ARL14EPL: variants seen among roughly 807,000 people sequenced by gnomAD.
ARL14EPL encodes the protein ARL14 effector protein-like.
A neutral mutation model predicts 15.9 loss-of-function variants in ARL14EPL; 17 were observed. The observed-to-expected ratio is 1.07, with a 90% CI of 0.73 to 1.60. The LOEUF is 1.60. Ranked by LOEUF, ARL14EPL falls within the 40% of genes most tolerant of loss-of-function variation. The pLI is 0.00. For missense variants in ARL14EPL, 214 were observed against 185.9 expected (o/e 1.15, Z -0.88); for synonymous variants, 78 against 63.8 (o/e 1.22, Z -1.06).
intron 1 of ARL14EPL, among the ~76,000 whole-genome samples, chr5:116,048,014 C>T (rs562827833): frequency 6.6e-6 from 1 of 152,190 alleles, no homozygotes; most frequent in Admixed American, 6.5e-5. Context: ...CACTACCCAA[C>T]GTGCTTAATG....
At chr5:116,036,517 C>T (rs1361872944) in intron 1 of ARL14EPL, among the ~76,000 whole-genome samples, 4 of 152,180 alleles carry the variant, frequency 2.6e-5, no homozygotes, top group Non-Finnish European at 4.4e-5. Flanking sequence ...ATCTACTTTG[C>T]AAACATTATT....
Position 116,051,456 on chromosome 5 carries a change from GT to G in ARL14EPL, c.-9del. On this transcript the variant is annotated splice_region_variant and 5_prime_UTR_variant, in exon 2 of 4. Transcript: ENST00000686077. ...TTTACTTTTTCCAATTACTTTTTAA[GT>G]GATCAGAGATGAATGAACAATCAGA... The G allele has an allele frequency of 6.6e-7, 1 of 1,511,940 alleles. No individual in the cohort carries two copies. Among genetic ancestry groups the G allele is most frequent in the Non-Finnish European group, 8.9e-7 (1 of 1,126,520 alleles). The allele number at this position is 1,511,940 out of a possible 1,614,324, so 93.7% of individuals were successfully genotyped here.
At chr5:116,054,245 A>C in intron 3 of ARL14EPL, 92 bp downstream of exon 3, 1 of 1,303,338 alleles carries the variant, frequency 7.7e-7, no homozygotes, top group Non-Finnish European at 1.0e-6. Context: ...TCTTTTTATT[A>C]TTTATTATTT....
At chr5:116,050,688 T>A (rs988101157) in intron 1 of ARL14EPL, among the ~76,000 whole-genome samples, 1 of 151,980 alleles carries the variant, frequency 6.6e-6, no homozygotes, top group Admixed American at 6.6e-5. Context: ...GCAGGGCCTG[T>A]GGAAGCCTCC....
chr5:116,032,825 G>A (rs1441768513), intron 1 of ARL14EPL, among the ~76,000 whole-genome samples: 1 of 152,082 alleles, frequency 6.6e-6, no homozygotes, highest in Non-Finnish European at 1.5e-5. Flanking sequence ...GAAACAGGGT[G>A]TCAGTCTGTC....
chr5:116,051,424 AAT>A, intron 1 of ARL14EPL, 31 bp from the exon 2 acceptor site: 1 of 1,277,292 alleles, frequency 7.8e-7, no homozygotes, highest in South Asian at 1.3e-5. Flanking sequence ...AGATGATATT[AAT>A]ATGTTTTACT....
At chr5:116,055,311 T>G (rs534978373) in intron 3 of ARL14EPL, among the ~76,000 whole-genome samples, 37 of 152,362 alleles carry the variant, frequency 2.4e-4, no homozygotes, top group African/African-American at 7.2e-4. Flanking sequence ...GAGTATAAAT[T>G]AATATCTTGG....
intron 2 of ARL14EPL, chr5:116,051,937 A>G (rs1160279683): frequency 6.2e-6 from 10 of 1,604,262 alleles, no homozygotes; most frequent in East Asian, 2.2e-5. Flanking sequence ...CAGCTGGAGC[A>G]TCTCCACCCT....
intron 1 of ARL14EPL, among the ~76,000 whole-genome samples, chr5:116,047,006 G>A (rs1241005274): frequency 6.6e-6 from 1 of 152,178 alleles, no homozygotes; most frequent in Non-Finnish European, 1.5e-5. Context: ...TTACTAAGAA[G>A]CAGGCAGCCT....
intron 2 of ARL14EPL, chr5:116,052,027 G>C: frequency 6.2e-7 from 1 of 1,611,316 alleles, no homozygotes; most frequent in East Asian, 2.2e-5. Context: ...GCTCCTGAAG[G>C]GCTGCCCTGG....
intron 1 of ARL14EPL, among the ~76,000 whole-genome samples, chr5:116,039,520 G>A (rs1335991816): frequency 6.6e-6 from 1 of 152,114 alleles, no homozygotes; most frequent in African/African-American, 2.4e-5. Flanking sequence ...GATAAAAGGA[G>A]AGATGATACA....
At position 116,057,584 on chromosome 5, in the gene ARL14EPL, G is replaced by T. The variant is rs535769124; in HGVS notation, c.237-1141G>T. 2.0e-5 allele frequency among the ~76,000 whole-genome samples: 3 copies of T among 152,210 alleles called. No individual in the cohort carries two copies. The South Asian group carries it at 6.2e-4, about 32-fold the overall frequency. ...TAATAGATTTAAAATATCCTCTTCC[G>T]CTAAATTTCCTGGGGTTGCTTAGGA... is the stretch of plus-strand genomic sequence containing the variant. On this transcript the variant is annotated intron_variant, in intron 3 of 3. Transcript: ENST00000686077.
intron 3 of ARL14EPL, among the ~76,000 whole-genome samples, chr5:116,058,034 C>A (rs927105856): frequency 3.3e-5 from 5 of 152,212 alleles, no homozygotes; most frequent in Admixed American, 2.0e-4. Context: ...TAGAGGCTGA[C>A]AGAGACAGTC....
intron 1 of ARL14EPL, among the ~76,000 whole-genome samples, chr5:116,034,526 C>T (rs1749013616): frequency 6.6e-6 from 1 of 152,090 alleles, no homozygotes; most frequent in Non-Finnish European, 1.5e-5. Flanking sequence ...TTCACTTCCC[C>T]CAACACATAC....
At chr5:116,043,040 C>T (rs1749194169) in intron 1 of ARL14EPL, among the ~76,000 whole-genome samples, 3 of 152,002 alleles carry the variant, frequency 2.0e-5, no homozygotes, top group Admixed American at 1.3e-4. Flanking sequence ...AACCACTCTC[C>T]TGTGTATGGG....
intron 2 of ARL14EPL, among the ~76,000 whole-genome samples, chr5:116,052,444 C>G (rs1406289995): frequency 6.6e-6 from 1 of 152,148 alleles, no homozygotes; most frequent in African/African-American, 2.4e-5. Context: ...CTTATCACAC[C>G]ATACTATTGT....
intron 2 of ARL14EPL, chr5:116,052,119 T>C: frequency 1.2e-6 from 2 of 1,612,818 alleles, no homozygotes; most frequent in Non-Finnish European, 1.7e-6. Context: ...TTACAGAGTT[T>C]GTCATAGGTA....
At chr5:116,045,825 T>C (rs1478969630) in intron 1 of ARL14EPL, among the ~76,000 whole-genome samples, 1 of 152,020 alleles carries the variant, frequency 6.6e-6, no homozygotes, top group Non-Finnish European at 1.5e-5. Flanking sequence ...TAGGAATCTG[T>C]GGATACTGTA....
At chr5:116,048,891 G>A (rs1749321882) in intron 1 of ARL14EPL, among the ~76,000 whole-genome samples, 2 of 152,124 alleles carry the variant, frequency 1.3e-5, no homozygotes, top group Admixed American at 6.6e-5. Context: ...TATTAACAGG[G>A]CTGGAATGTA....
Sources: allele counts gnomAD v4.1 joint callset (sites outside exome capture counted in the v4.1 genomes callset), GRCh38; gene constraint gnomAD v4.1.1; transcripts MANE v1.5; gene names NCBI Gene and HGNC (gene_info 2026-07-23, HGNC 2026-07-21).